Variants in URB1 observed in about 807,000 individuals in gnomAD.
URB1 encodes URB1 ribosome biogenesis factor, also known as nucleolar pre-ribosomal-associated protein 1.
A neutral mutation model predicts 242.3 loss-of-function variants in URB1; 197 were observed. That is an observed-to-expected ratio of 0.81 (90% CI 0.72 to 0.91). URB1 has a LOEUF of 0.91. Among genes scored for constraint, URB1 ranks in the 40% least tolerant of loss-of-function variants. The pLI is 0.00. For synonymous variants in URB1, 1,153 were observed against 1,201.8 expected, an observed-to-expected ratio of 0.96 and a Z score of 0.84; for missense variants, 2,721 against 2,860.5, an observed-to-expected ratio of 0.95 and a Z score of 1.11.
In URB1 at chr21:32,349,440, T is replaced by C. The variant is rs2033130873; in HGVS notation, c.2876A>G (p.Asp959Gly). The stretch of plus-strand genomic sequence containing the variant: ...GTGGACAACCAGGCGCCTGAGGAGA[T>C]CCAGGAAGAGCTGCAGGAGGGGCGG... ...VGPPLLQLFL[D>G]LLRRLVVHCE... The change falls in exon 21 of 39, where the codon GAT becomes GGT. Residue 959 changes from aspartate (D) to glycine (G), a missense_variant. By Grantham distance (94) the Asp-to-Gly change is moderately conservative. Transcript: ENST00000382751. The C allele has an allele frequency of 1.9e-6, 3 of 1,550,980 alleles. No homozygotes were observed. Among genetic ancestry groups the C allele is most frequent in the Non-Finnish European group, 1.7e-6 (2 of 1,146,874 alleles).
chr21:32,383,424 T>C lies in URB1; in HGVS notation c.565A>G (p.Lys189Glu), dbSNP rs756960714. Residue 189 changes from lysine (K) to glutamate (E), a missense_variant and splice_region_variant, in exon 4 of 39, where the codon AAG becomes GAG. Physicochemically the swap from Lys to Glu is moderately conservative, Grantham distance 56 (BLOSUM62 1). Coordinates refer to ENST00000382751, the MANE Select transcript of URB1 (RefSeq NM_014825.3). ...LYTLVTKRDS[K>E]GVYDVRQAYV... is the part of the protein sequence containing the mutation. ...ACGAGACACTGTGGTCCCCTCACCT[T>C]TGAATCCCTCTTGGTCACCAGGGTG... is the stretch of plus-strand genomic sequence containing the variant. The C allele has an allele frequency of 1.3e-6, 2 of 1,551,142 alleles. No individual in the cohort carries two copies.
chr21:32,320,518 A>C lies in URB1; in HGVS notation c.5594+13T>G. 1 of 1,536,160 alleles carries C rather than the reference A, an allele frequency of 6.5e-7. No individual in the cohort carries two copies. The highest frequency in any genetic ancestry group is 2.0e-5 in the Admixed American group (1 of 50,410). On this transcript the variant is annotated intron_variant, in intron 35 of 38. Transcript: ENST00000382751. ...CCCACCTGACGCGCACCTCGCATGC[A>C]AAAGGTACTTACTTGCTTTCAAGGA...
In URB1 at chr21:32,353,979, G is replaced by A. The variant is rs2033188699; in HGVS notation, c.2370C>T (p.Ala790=). Residue 790 remains alanine, a synonymous_variant, in exon 18 of 39, where the codon GCC becomes GCT. Coordinates refer to ENST00000382751, the MANE Select transcript of URB1 (RefSeq NM_014825.3). ...GGAGCAACTTATTCCTGGCTTCCAGGGCCGCAGGGACTACCGCACTGAATG... is the reference window on the plus strand; with the variant it reads ...GGAGCAACTTATTCCTGGCTTCCAGAGCCGCAGGGACTACCGCACTGAATG... ...TFPFSAVVPA[A]LEARNKLLLG... 5.2e-6 allele frequency: 8 copies of A among 1,551,754 alleles called. No individual in the cohort carries two copies. Among genetic ancestry groups the A allele is most frequent in the Non-Finnish European group, 7.0e-6 (8 of 1,147,012 alleles).
intron 30 of URB1, among the ~76,000 whole-genome samples, chr21:32,326,287 G>C (rs1475758163): frequency 1.3e-5 from 2 of 152,220 alleles, no homozygotes; most frequent in African/African-American, 4.8e-5. Flanking sequence ...AGAGTGACCA[G>C]TGGCCTAATT....
At chr21:32,363,378 T>C (rs1297826170) in intron 10 of URB1, 49 bp from the exon 11 acceptor site, 2 of 1,529,882 alleles carry the variant, frequency 1.3e-6, no homozygotes, top group African/African-American at 2.7e-5. Context: ...GATACACAGA[T>C]TTGCTAAGCT....
rs113597325 is a variant in URB1, at chr21:32,314,766, C to T, written c.*152G>A. 4.4e-5 allele frequency: 63 copies of T among 1,434,044 alleles called. No individual in the cohort carries two copies. In the African/African-American group the frequency reaches 8.1e-4, roughly 18 times the overall value. 88.8% of individuals were successfully genotyped at this position (1,434,044 alleles called of 1,614,324 possible). On this transcript the variant is annotated 3_prime_UTR_variant, in exon 39 of 39. Coordinates refer to ENST00000382751, the MANE Select transcript of URB1 (RefSeq NM_014825.3). ...TTACTGGGCAGTTCAATAAAGTCCT[C>T]TCAACTTTTCTTGTCAAAGAACTGA...
At chr21:32,353,017 A>G in intron 18 of URB1, 111 bp from the exon 19 acceptor site, 1 of 1,123,628 alleles carries the variant, frequency 8.9e-7, no homozygotes, top group South Asian at 1.6e-5. Context: ...AATTCATGCA[A>G]CTCCATGAGG....
intron 1 of URB1, among the ~76,000 whole-genome samples, chr21:32,390,656 A>G (rs138819790): frequency 2.8e-4 from 42 of 152,246 alleles, no homozygotes; most frequent in African/African-American, 9.4e-4. Context: ...GCAAATCAAA[A>G]CCACAATGAG....
chr21:32,337,371 C>T (rs971866443), intron 27 of URB1, 33 bp downstream of exon 27: 3 of 1,535,568 alleles, frequency 2.0e-6, no homozygotes, highest in Non-Finnish European at 2.6e-6. Flanking sequence ...ACTCCCTCCC[C>T]CTGCTCACAC....
chr21:32,328,035 A>T (rs1459879342), intron 30 of URB1, among the ~76,000 whole-genome samples: 4 of 152,188 alleles, frequency 2.6e-5, no homozygotes, highest in Admixed American at 6.5e-5. Context: ...CCTTCAAGAA[A>T]CCCATTTTCA....
chr21:32,311,408 A>ACCCCCCCCC lies in URB1; in HGVS notation c.*3509_*3510insGGGGGGGGG. The ACCCCCCCCC allele has an allele frequency of 9.4e-6, 2 of 212,656 alleles. No homozygotes were observed. Among genetic ancestry groups the ACCCCCCCCC allele is most frequent in the African/African-American group, 2.5e-5 (1 of 39,228 alleles). 13.2% of individuals were successfully genotyped at this position (212,656 alleles called of 1,614,324 possible). A position where few individuals can be genotyped will look rare whatever the true frequency, so the allele number is the denominator to read the frequency against. ...ATGGGAGGTCAACCTGCTCCCCTCC[A>ACCCCCCCCC]CCCCCCACCCCCCCCATCCTAAATC... On this transcript the variant is annotated 3_prime_UTR_variant, in exon 39 of 39. Coordinates refer to ENST00000382751, the MANE Select transcript of URB1 (RefSeq NM_014825.3).
chr21:32,388,413 C>T (rs1017758455), intron 1 of URB1, among the ~76,000 whole-genome samples: 2 of 152,248 alleles, frequency 1.3e-5, no homozygotes, highest in Admixed American at 6.5e-5. Context: ...CACATTCGGC[C>T]TCTGCCAGCC....
Position 32,324,476 on chromosome 21 carries a change from T to C in URB1, c.5233+15A>G. ...GCTTTTCAATTTCCCCTCAACCTAA[T>C]TATGTCAGTGGTACCTGGTTTCAAA... On this transcript the variant is annotated intron_variant, in intron 32 of 38. Coordinates refer to ENST00000382751, the MANE Select transcript of URB1 (RefSeq NM_014825.3). 1 of 1,543,600 alleles carries C rather than the reference T, an allele frequency of 6.5e-7. No individual in the cohort carries two copies. Among genetic ancestry groups the C allele is most frequent in the Non-Finnish European group, 8.8e-7 (1 of 1,139,304 alleles).
chr21:32,317,160 C>T lies in URB1; in HGVS notation c.6035-95G>A, dbSNP rs75439593. On this transcript the variant is annotated intron_variant, in intron 37 of 38. Coordinates refer to ENST00000382751, the MANE Select transcript of URB1 (RefSeq NM_014825.3). ...AGGTGTCAATGGGGGACACGAGGGG[C>T]GGCTTGCATGTCCTGAGCACCCGGC... The T allele has an allele frequency of 7.3e-3, 10,468 of 1,433,086 alleles. 385 individuals are homozygous for T. In the East Asian group the frequency reaches 0.1, roughly 14 times the overall value. The allele number at this position is 1,433,086 out of a possible 1,614,324, so 88.8% of individuals were successfully genotyped here.
intron 12 of URB1, among the ~76,000 whole-genome samples, chr21:32,361,650 T>C (rs2033289579): frequency 6.6e-6 from 1 of 152,172 alleles, no homozygotes; most frequent in Non-Finnish European, 1.5e-5. Context: ...CACTCAAGTC[T>C]TCAGAGAGAC....
At chr21:32,325,128 G>C in intron 31 of URB1, 101 bp downstream of exon 31, 1 of 1,371,360 alleles carries the variant, frequency 7.3e-7, no homozygotes, top group Non-Finnish European at 9.7e-7. Context: ...TGCCACCTCC[G>C]TGTTCCCTAG....
At chr21:32,369,975 CAAAAAAAA>C (rs34377037) in intron 8 of URB1, among the ~76,000 whole-genome samples, 1 of 88,556 alleles carries the variant, frequency 1.1e-5, no homozygotes, top group Non-Finnish European at 2.4e-5. Context: ...GTCTCCATCT[CAAAAAAAA>C]AAAAAAAAAA....
rs185376555 is a variant in URB1, at chr21:32,362,550, T to C, written c.1510-529A>G. Among the ~76,000 whole-genome samples, 342 of 152,294 alleles carry C rather than the reference T, an allele frequency of 2.2e-3. 2 individuals carry two copies. The highest frequency in any genetic ancestry group is 4.1e-3 in the South Asian group (20 of 4,826). ...TTCTAGAACTATACACAGTAAGGATTTGGTGAACAGGCAAGTGCTGATCAT... is the reference window on the plus strand; with the variant it reads ...TTCTAGAACTATACACAGTAAGGATCTGGTGAACAGGCAAGTGCTGATCAT... On this transcript the variant is annotated intron_variant, in intron 11 of 38. Coordinates refer to ENST00000382751, the MANE Select transcript of URB1 (RefSeq NM_014825.3).
chr21:32,355,346 A>C, intron 16 of URB1, 103 bp downstream of exon 16: 2 of 1,023,454 alleles, frequency 2.0e-6, no homozygotes, highest in Non-Finnish European at 2.9e-6. Context: ...AGCCAGGACG[A>C]GAAGCCTTTT....
Sources: gnomAD v4.1 joint callset for allele counts (sites outside exome capture counted in the v4.1 genomes callset) on GRCh38, gnomAD v4.1.1 for gene constraint, MANE v1.5 for transcripts, NCBI Gene and HGNC (gene_info 2026-07-23, HGNC 2026-07-21) for gene names.